Variants in ACVR1 observed in about 807,000 individuals in gnomAD.
ACVR1 encodes the protein activin receptor type-1.
Under a neutral mutation model 57.1 loss-of-function variants are expected in ACVR1, and 38 were observed. That is an observed-to-expected ratio of 0.67 (90% CI 0.51 to 0.87). ACVR1 has a LOEUF of 0.87. Ranked by LOEUF, ACVR1 falls within the 40% of genes least tolerant of loss-of-function variation. ACVR1 has a pLI of 0.00. For synonymous variants in ACVR1, 212 were observed against 228.1 expected (o/e 0.93, Z 0.63); for missense variants, 463 against 638.2 (o/e 0.73, Z 2.96).
chr2:157,785,287 G>T (rs996117668), intron 3 of ACVR1, among the ~76,000 whole-genome samples: 1 of 152,186 alleles, frequency 6.6e-6, no homozygotes, highest in Non-Finnish European at 1.5e-5. Context: ...AGGAACTCAA[G>T]TATCCCTGGA....
intron 2 of ACVR1, among the ~76,000 whole-genome samples, chr2:157,817,638 C>A (rs924714741): frequency 3.3e-5 from 5 of 151,998 alleles, no homozygotes; most frequent in African/African-American, 1.2e-4. Flanking sequence ...GATGAGAACT[C>A]TTTCTATTTT....
chr2:157,791,795 C>A (rs912046427), intron 3 of ACVR1, among the ~76,000 whole-genome samples: 1 of 152,182 alleles, frequency 6.6e-6, no homozygotes, highest in Non-Finnish European at 1.5e-5. Flanking sequence ...AATACTATGT[C>A]AAACATGATC....
chr2:157,837,849 C>T (rs954149331), intron 1 of ACVR1, among the ~76,000 whole-genome samples: 9 of 152,054 alleles, frequency 5.9e-5, no homozygotes, highest in Non-Finnish European at 1.0e-4. Flanking sequence ...AGAACTGCCC[C>T]GCAAGCCAGT....
At chr2:157,764,197 T>G (rs914824655) in intron 8 of ACVR1, among the ~76,000 whole-genome samples, 5 of 152,034 alleles carry the variant, frequency 3.3e-5, no homozygotes, top group African/African-American at 1.2e-4. Context: ...TATATATTTT[T>G]TTTTAGACGA....
chr2:157,745,040 A>G (rs1262962449), intron 9 of ACVR1, among the ~76,000 whole-genome samples: 5 of 152,260 alleles, frequency 3.3e-5, no homozygotes, highest in African/African-American at 1.2e-4. Flanking sequence ...GGAGCCATGT[A>G]CATTACTCAA....
chr2:157,809,503 C>A (rs1687672835), intron 2 of ACVR1, among the ~76,000 whole-genome samples: 1 of 151,864 alleles, frequency 6.6e-6, no homozygotes, highest in South Asian at 2.1e-4. Flanking sequence ...ATCCAAGTAA[C>A]CACAACAGAA....
In ACVR1 at chr2:157,851,576, AT is replaced by A. The variant is rs546337287; in HGVS notation, c.-183+24219del. On this transcript the variant is annotated intron_variant, in intron 1 of 10. Coordinates refer to ENST00000434821, the MANE Select transcript of ACVR1 (RefSeq NM_001111067.4). ...TCACATAAAAATACTATTATACTCT[AT>A]ATTCTGTATAGCTGAAAAGAACTGT... Among the ~76,000 whole-genome samples, 8 of 152,254 alleles carry A rather than the reference AT, an allele frequency of 5.3e-5. No homozygotes were observed. The South Asian group carries it at 1.0e-3, about 20-fold the overall frequency.
At chr2:157,802,879 C>A (rs964255166) in intron 2 of ACVR1, among the ~76,000 whole-genome samples, 2 of 152,122 alleles carry the variant, frequency 1.3e-5, no homozygotes, top group Non-Finnish European at 2.9e-5. Flanking sequence ...CAAGTAGGTG[C>A]ACATTTAATA....
chr2:157,772,502 T>C (rs900040638), intron 6 of ACVR1, among the ~76,000 whole-genome samples: 1 of 152,230 alleles, frequency 6.6e-6, no homozygotes, highest in Non-Finnish European at 1.5e-5. Context: ...ATGATATTTA[T>C]ACTGTTTCAA....
chr2:157,771,231 T>C (rs1272230108), intron 6 of ACVR1, among the ~76,000 whole-genome samples: 2 of 152,192 alleles, frequency 1.3e-5, no homozygotes, highest in African/African-American at 4.8e-5. Context: ...TCATGGGTAT[T>C]TGTTTGTCAG....
intron 1 of ACVR1, among the ~76,000 whole-genome samples, chr2:157,829,828 A>G (rs1688519309): frequency 6.6e-6 from 1 of 152,214 alleles, no homozygotes; most frequent in Non-Finnish European, 1.5e-5. Context: ...AGTGCATTTT[A>G]ATTTTTAAAT....
chr2:157,869,041 C>T lies in ACVR1; in HGVS notation c.-183+6755G>A, dbSNP rs565863380. ...GTCATCTTCCCCACCTCCCTCTCAT[C>T]CTTTGGGTGTGTGTAACCTCAGCTT... is the stretch of plus-strand genomic sequence containing the variant. On this transcript the variant is annotated intron_variant, in intron 1 of 10. Coordinates refer to ENST00000434821, the MANE Select transcript of ACVR1 (RefSeq NM_001111067.4). Among the ~76,000 whole-genome samples the T allele has an allele frequency of 9.2e-5, 14 of 152,308 alleles. 1 individual carries two copies. The South Asian group carries it at 2.7e-3, about 29-fold the overall frequency.
At chr2:157,773,533 T>C (rs1220959322) in intron 6 of ACVR1, among the ~76,000 whole-genome samples, 1 of 152,228 alleles carries the variant, frequency 6.6e-6, no homozygotes, top group East Asian at 1.9e-4. Flanking sequence ...ACATAAATTA[T>C]ATATACAACA....
intron 1 of ACVR1, among the ~76,000 whole-genome samples, chr2:157,866,198 T>G (rs890361085): frequency 1.3e-4 from 20 of 151,446 alleles, no homozygotes; most frequent in African/African-American, 4.9e-4. Flanking sequence ...AATGTCAGAG[T>G]TGTATGGCCC....
At chr2:157,746,141 C>T (rs534933019) in intron 9 of ACVR1, among the ~76,000 whole-genome samples, 1 of 152,056 alleles carries the variant, frequency 6.6e-6, no homozygotes, top group Non-Finnish European at 1.5e-5. Context: ...TGTACTAGGG[C>T]CAAGAGGTAG....
At chr2:157,828,284 C>T (rs1688459921) in intron 1 of ACVR1, among the ~76,000 whole-genome samples, 1 of 151,582 alleles carries the variant, frequency 6.6e-6, no homozygotes, top group African/African-American at 2.4e-5. Context: ...CCCGTCTCTA[C>T]AAAAATACAA....
intron 1 of ACVR1, among the ~76,000 whole-genome samples, chr2:157,865,709 T>C (rs1689893797): frequency 6.6e-6 from 1 of 151,226 alleles, no homozygotes; most frequent in Non-Finnish European, 1.5e-5. Flanking sequence ...GGAGAATCAC[T>C]TGAACCCGGG....
chr2:157,764,325 G>A (rs1685779266), intron 8 of ACVR1, among the ~76,000 whole-genome samples: 1 of 151,004 alleles, frequency 6.6e-6, no homozygotes, highest in Admixed American at 6.6e-5. Context: ...TGAGATTCCA[G>A]ACGCACGCTA....
At chr2:157,843,789 T>G (rs944382838) in intron 1 of ACVR1, among the ~76,000 whole-genome samples, 1 of 152,154 alleles carries the variant, frequency 6.6e-6, no homozygotes, top group African/African-American at 2.4e-5. Context: ...TTCATGGATA[T>G]AGTAAAACTC....
Sources: gnomAD v4.1 joint callset for allele counts (sites outside exome capture counted in the v4.1 genomes callset) on GRCh38, gnomAD v4.1.1 for gene constraint, MANE v1.5 for transcripts, NCBI Gene and HGNC (gene_info 2026-07-23, HGNC 2026-07-21) for gene names.